Variants in TDRD1 observed in about 807,000 individuals in gnomAD.
The protein encoded by TDRD1 is tudor domain-containing protein 1.
In TDRD1, 37 loss-of-function variants were observed where a neutral mutation model predicts 140.6. The observed-to-expected ratio is 0.26, with a 90% CI of 0.20 to 0.35. The LOEUF (loss-of-function observed/expected upper bound fraction) is 0.35, where lower values mean the gene tolerates loss of function less well. Ranked by LOEUF, TDRD1 falls within the 10% of genes least tolerant of loss-of-function variation. The probability of loss-of-function intolerance (pLI) is 1.00; values close to 1 mark genes in which losing one functional copy is unlikely to be tolerated. For synonymous variants in TDRD1, 506 were observed against 475.7 expected, an observed-to-expected ratio of 1.06 and a Z score of -0.83; for missense variants, 1,243 against 1,393.0, an observed-to-expected ratio of 0.89 and a Z score of 1.71.
At chr10:114,197,856 A>G (rs1260417137) in intron 3 of TDRD1, among the ~76,000 whole-genome samples, 3 of 152,068 alleles carry the variant, frequency 2.0e-5, no homozygotes, top group African/African-American at 7.2e-5. Context: ...GGGGTTCGCC[A>G]TATTGGCCAG....
intron 4 of TDRD1, 76 bp downstream of exon 4, chr10:114,199,393 A>G (rs2034579659): frequency 6.5e-7 from 1 of 1,529,406 alleles, no homozygotes; most frequent in Non-Finnish European, 8.8e-7. Context: ...GCAGATGATG[A>G]AACATTAAGT....
intron 5 of TDRD1, among the ~76,000 whole-genome samples, chr10:114,201,977 A>G (rs1332299511): frequency 6.6e-6 from 1 of 152,196 alleles, no homozygotes; most frequent in Non-Finnish European, 1.5e-5. Context: ...GCTTGGAGAT[A>G]TTCTCTCTGT....
chr10:114,214,263 T>G (rs2035669337), intron 16 of TDRD1, 149 bp downstream of exon 16: 1 of 657,226 alleles, frequency 1.5e-6, no homozygotes, highest in South Asian at 2.2e-5. Context: ...TGGTTATACT[T>G]AGTTAGCTTT....
intron 1 of TDRD1, chr10:114,179,804 G>C (rs1400354826): frequency 6.6e-6 from 1 of 152,192 alleles, no homozygotes; most frequent in Non-Finnish European, 1.5e-5. Flanking sequence ...CATTTACTTA[G>C]ATGTGGGTCA....
At chr10:114,185,590 GTTTTC>G (rs376576357) in intron 1 of TDRD1, among the ~76,000 whole-genome samples, 6 of 151,864 alleles carry the variant, frequency 4.0e-5, no homozygotes, top group Non-Finnish European at 5.9e-5. Context: ...TATCTTTTTT[GTTTTC>G]TTTTATTTCA....
intron 19 of TDRD1, 50 bp downstream of exon 19, chr10:114,220,893 CAG>C (rs1466047479): frequency 7.2e-7 from 1 of 1,381,162 alleles, no homozygotes; most frequent in East Asian, 2.3e-5. Context: ...TCTTTGCTCT[CAG>C]AGACTATGAA....
rs772205968 is a variant in TDRD1, at chr10:114,213,488, G to C, written c.1974G>C (p.Thr658=). Residue 658 remains threonine, a synonymous_variant, in exon 15 of 26, where the codon ACG becomes ACC. Coordinates refer to ENST00000251864, the Ensembl canonical transcript of TDRD1. ...TGGAGCTTATTGATAAATCCGAGAC[G>C]CCTCATGTCAGTGTTAGCAAAGTTC... 6 of 1,613,818 alleles carry C rather than the reference G, an allele frequency of 3.7e-6. No individual in the cohort carries two copies. In the East Asian group the frequency reaches 1.1e-4, roughly 30 times the overall value.
At chr10:114,189,854 C>T (rs895763936) in intron 2 of TDRD1, among the ~76,000 whole-genome samples, 14 of 152,336 alleles carry the variant, frequency 9.2e-5, no homozygotes, top group African/African-American at 2.9e-4. Flanking sequence ...ATGACCAATG[C>T]GTGGTATTGC....
Position 114,191,035 on chromosome 10 carries a change from G to A in TDRD1, c.384+16G>A. 1 of 1,611,658 alleles carries A rather than the reference G, an allele frequency of 6.2e-7. No individual in the cohort carries two copies. ...AGTGAATATTGTAAGTTATTTTATTGTGTGTGTGCTTGTTTGGGTAAAAGA... is the reference window on the plus strand; with the variant it reads ...AGTGAATATTGTAAGTTATTTTATTATGTGTGTGCTTGTTTGGGTAAAAGA... On this transcript the variant is annotated intron_variant, in intron 3 of 25. Transcript: ENST00000251864.
At chr10:114,228,206 C>G in intron 25 of TDRD1, 1 of 1,479,470 alleles carries the variant, frequency 6.8e-7, no homozygotes, top group Non-Finnish European at 8.9e-7. Flanking sequence ...CAGGATAGAG[C>G]TAATGGAGTG....
At chr10:114,210,334 A>T (rs1177701514) in intron 11 of TDRD1, among the ~76,000 whole-genome samples, 1 of 152,124 alleles carries the variant, frequency 6.6e-6, no homozygotes, top group African/African-American at 2.4e-5. Context: ...TTTTAATTAG[A>T]TCTGAACTTG....
intron 19 of TDRD1, 83 bp downstream of exon 19, chr10:114,220,926 C>T: frequency 1.1e-6 from 1 of 924,014 alleles, no homozygotes; most frequent in Non-Finnish European, 1.7e-6. Context: ...TCATAAATGA[C>T]AGTTTTCCTG....
At chr10:114,209,855 A>G (rs1022160310) in intron 11 of TDRD1, among the ~76,000 whole-genome samples, 6 of 152,266 alleles carry the variant, frequency 3.9e-5, no homozygotes, top group Non-Finnish European at 8.8e-5. Flanking sequence ...TATGTGAATG[A>G]TATCTTATCC....
At chr10:114,196,671 C>A (rs1349304137) in intron 3 of TDRD1, among the ~76,000 whole-genome samples, 8 of 151,842 alleles carry the variant, frequency 5.3e-5, no homozygotes, top group Non-Finnish European at 1.2e-4. Context: ...TTTCCCCCCC[C>A]ATACAGGTAA....
At chr10:114,186,876 G>A (rs1260585779) in intron 1 of TDRD1, among the ~76,000 whole-genome samples, 1 of 152,142 alleles carries the variant, frequency 6.6e-6, no homozygotes, top group Non-Finnish European at 1.5e-5. Context: ...TAAGTTGTAG[G>A]ACACCAACTG....
At chr10:114,232,401 C>A (rs2036803706), downstream of TDRD1, 1 of 151,168 alleles carries the variant, frequency 6.6e-6, no homozygotes, top group Non-Finnish European at 1.5e-5. Context: ...TATGGGCTGG[C>A]TGACTTTCCT....
At chr10:114,208,777 A>ATT (rs577742983) in intron 11 of TDRD1, among the ~76,000 whole-genome samples, 2,713 of 143,970 alleles carry the variant, frequency 0.019, 92 homozygotes, top group African/African-American at 0.065. Flanking sequence ...TTAAGATACA[A>ATT]TTTTTTTTTT....
intron 4 of TDRD1, among the ~76,000 whole-genome samples, chr10:114,201,075 C>G (rs2034707050): frequency 6.6e-6 from 1 of 151,350 alleles, no homozygotes; most frequent in South Asian, 2.1e-4. Context: ...AGGCTGGTCT[C>G]GAACTCCTGA....
chr10:114,192,292 C>CTT (rs938140798), intron 3 of TDRD1, among the ~76,000 whole-genome samples: 805 of 75,106 alleles, frequency 0.011, 127 homozygotes, highest in African/African-American at 0.036. Context: ...GATAGTTTTC[C>CTT]TTTTTTTTTT....
Sources: gnomAD v4.1 joint callset for allele counts (sites outside exome capture counted in the v4.1 genomes callset) on GRCh38, gnomAD v4.1.1 for gene constraint, MANE v1.5 for transcripts, NCBI Gene and HGNC (gene_info 2026-07-23, HGNC 2026-07-21) for gene names.